SLC7A2: variants seen among roughly 807,000 people sequenced by gnomAD.
SLC7A2 encodes cationic amino acid transporter 2.
A neutral mutation model predicts 58.9 loss-of-function variants in SLC7A2; 48 were observed. The ratio of observed to expected loss-of-function variants is 0.82; its 90% CI spans 0.65 to 1.04. The LOEUF (loss-of-function observed/expected upper bound fraction) is 1.04. SLC7A2 is among the 50% of genes least tolerant of loss of function. The pLI is 0.00. For missense variants in SLC7A2, 1,029 were observed against 818.8 expected, an observed-to-expected ratio of 1.26 and a Z score of -3.13; for synonymous variants, 363 against 314.5, an observed-to-expected ratio of 1.15 and a Z score of -1.63.
At chr8:17,561,398 T>C (rs1186480754) in intron 10 of SLC7A2, among the ~76,000 whole-genome samples, 1 of 152,068 alleles carries the variant, frequency 6.6e-6, no homozygotes, top group Non-Finnish European at 1.5e-5. Flanking sequence ...AACCATCAGA[T>C]CTCGCTAGAC....
rs1033364516 is a variant in SLC7A2 at position 17,559,085 on chromosome 8, A to G, written c.1298+688A>G. Among the ~76,000 whole-genome samples the G allele has an allele frequency of 7.2e-5, 11 of 151,986 alleles. No individual in the cohort carries two copies. The East Asian group carries it at 1.7e-3, about 24-fold the overall frequency. ...GAATTTCTCCTGTATACTTTCATGT[A>G]TTTTTTCTCAGTGAGCCTATTTCTT... is the stretch of plus-strand genomic sequence containing the variant. On this transcript the variant is annotated intron_variant, in intron 9 of 12. Coordinates refer to ENST00000494857, the MANE Select transcript of SLC7A2 (RefSeq NM_001370338.1).
intron 2 of SLC7A2, among the ~76,000 whole-genome samples, chr8:17,542,611 A>T (rs1366305197): frequency 2.0e-5 from 3 of 151,520 alleles, no homozygotes; most frequent in East Asian, 3.9e-4. Flanking sequence ...TGATCACGCC[A>T]CTGTGCTGCA....
intron 2 of SLC7A2, among the ~76,000 whole-genome samples, chr8:17,512,071 C>A (rs1384331694): frequency 6.6e-6 from 1 of 152,196 alleles, no homozygotes; most frequent in Non-Finnish European, 1.5e-5. Context: ...GAGCACAGAA[C>A]TTCTCTTTGT....
At chr8:17,522,425 C>T (rs10107446) in intron 2 of SLC7A2, among the ~76,000 whole-genome samples, 1 of 151,786 alleles carries the variant, frequency 6.6e-6, no homozygotes, top group Non-Finnish European at 1.5e-5. Flanking sequence ...CTTGGCCATG[C>T]TGACTACAAG....
At chr8:17,511,049 A>G (rs369051869) in intron 2 of SLC7A2, 34 of 151,872 alleles carry the variant, frequency 2.2e-4, no homozygotes, top group African/African-American at 8.3e-4. Flanking sequence ...GAGTTGAACA[A>G]TGAGAACACT....
chr8:17,507,154 C>G (rs548734149), intron 2 of SLC7A2, among the ~76,000 whole-genome samples: 17 of 151,988 alleles, frequency 1.1e-4, no homozygotes, highest in African/African-American at 4.1e-4. Context: ...ACTATGTTGG[C>G]CAGGATGGTC....
chr8:17,566,459 C>T lies in SLC7A2; in HGVS notation c.*1313C>T, dbSNP rs1372314737. 1.3e-5 allele frequency: 2 copies of T among 152,166 alleles called. No homozygotes were observed. The highest frequency in any genetic ancestry group is 4.8e-5 in the African/African-American group (2 of 41,430). 9.4% of individuals were successfully genotyped at this position (152,166 alleles called of 1,614,324 possible). The stretch of plus-strand genomic sequence containing the variant: ...TTTAGGAATATTTTTCTCCCCCTAC[C>T]CCATAAATTGTGTAGCACTTTTTAT... On this transcript the variant is annotated 3_prime_UTR_variant, in exon 13 of 13. Coordinates refer to ENST00000494857, the MANE Select transcript of SLC7A2 (RefSeq NM_001370338.1).
intron 2 of SLC7A2, among the ~76,000 whole-genome samples, chr8:17,510,105 A>G (rs1800541306): frequency 6.6e-6 from 1 of 152,066 alleles, no homozygotes; most frequent in African/African-American, 2.4e-5. Flanking sequence ...CTGTAATCCC[A>G]GCTACTTGGG....
rs943600124 is a variant in SLC7A2 at position 17,568,961 on chromosome 8, C to CA, written c.*3823dup. On this transcript the variant is annotated 3_prime_UTR_variant, in exon 13 of 13. Coordinates refer to ENST00000494857, the MANE Select transcript of SLC7A2 (RefSeq NM_001370338.1). Reference sequence around the variant, plus strand: ...CCTGGGCAACGGTGAGACCCTGCCTCAAAAAAAATAAAAATAAAAATAAAA... The same window carrying CA: ...CCTGGGCAACGGTGAGACCCTGCCTCAAAAAAAAATAAAAATAAAAATAAAA... 20 of 150,906 alleles carry CA rather than the reference C, an allele frequency of 1.3e-4. No individual in the cohort carries two copies. Among genetic ancestry groups the CA allele is most frequent in the Admixed American group, 3.3e-4 (5 of 15,164 alleles). The allele number at this position is 150,906 out of a possible 1,614,324, so 9.3% of individuals were successfully genotyped here.
chr8:17,494,213 A>T (rs1420761386), upstream of SLC7A2, among the ~76,000 whole-genome samples: 1 of 152,126 alleles, frequency 6.6e-6, no homozygotes, highest in African/African-American at 2.4e-5. Context: ...TAAATCCCTT[A>T]TTTGTGGACA....
intron 2 of SLC7A2, among the ~76,000 whole-genome samples, chr8:17,532,229 C>CAA (rs534441508): frequency 0.021 from 964 of 46,076 alleles, 38 homozygotes; most frequent in South Asian, 0.042. Context: ...GACTCTATCT[C>CAA]AAAAAAAAAA....
At chr8:17,494,816 T>C (rs1456954186), upstream of SLC7A2, among the ~76,000 whole-genome samples, 1 of 152,234 alleles carries the variant, frequency 6.6e-6, no homozygotes, top group African/African-American at 2.4e-5. Context: ...TGTGTAAAGA[T>C]ATTCAGCAAT....
chr8:17,566,655 C>T lies in SLC7A2; in HGVS notation c.*1509C>T, dbSNP rs1323957891. On this transcript the variant is annotated 3_prime_UTR_variant, in exon 13 of 13. Coordinates refer to ENST00000494857, the MANE Select transcript of SLC7A2 (RefSeq NM_001370338.1). Reference sequence around the variant, plus strand: ...TTAAAGCTATATAAACACAGTTAACCCTTGTAAATGAGTAAACAAATTTTT... The same window carrying T: ...TTAAAGCTATATAAACACAGTTAACTCTTGTAAATGAGTAAACAAATTTTT... 6.6e-6 allele frequency: 1 copy of T among 152,038 alleles called. No individual in the cohort carries two copies. The highest frequency in any genetic ancestry group is 2.1e-4 in the South Asian group (1 of 4,820). 9.4% of individuals were successfully genotyped at this position (152,038 alleles called of 1,614,324 possible). A position where few individuals can be genotyped will look rare whatever the true frequency, so the allele number is the denominator to read the frequency against.
intron 2 of SLC7A2, among the ~76,000 whole-genome samples, chr8:17,518,503 G>A (rs1042409224): frequency 3.3e-5 from 5 of 152,124 alleles, no homozygotes; most frequent in Admixed American, 6.6e-5. Flanking sequence ...GCTCATCAGA[G>A]CACTCTCCTT....
chr8:17,543,345 T>A lies in SLC7A2; in HGVS notation c.6T>A (p.Ile2=), dbSNP rs767308384. The change falls in exon 3 of 13, where the codon ATT becomes ATA. Residue 2 remains isoleucine (I), a synonymous_variant. Coordinates refer to ENST00000494857, the MANE Select transcript of SLC7A2 (RefSeq NM_001370338.1). ...CGCCTTCGTCAGACGTCAGAATGATTCCTTGCAGAGCCGCGCTGACCTTTG... is the reference window on the plus strand; with the variant it reads ...CGCCTTCGTCAGACGTCAGAATGATACCTTGCAGAGCCGCGCTGACCTTTG... M[I]PCRAALTFAR... is the part of the protein sequence containing the mutation. 1.9e-6 allele frequency: 3 copies of A among 1,611,330 alleles called. No individual in the cohort carries two copies. In the South Asian group the frequency reaches 3.3e-5, roughly 18 times the overall value.
At chr8:17,515,364 C>G (rs1446466104) in intron 2 of SLC7A2, among the ~76,000 whole-genome samples, 1 of 150,976 alleles carries the variant, frequency 6.6e-6, no homozygotes, top group Non-Finnish European at 1.5e-5. Flanking sequence ...GTCGCAATCT[C>G]GGCTCACTGC....
rs1803221320 is a variant in SLC7A2 at position 17,565,382 on chromosome 8, G to A, written c.*236G>A. ...GATGAATAGCCCCCAAACAGTGGGA[G>A]TGTGTATGTATGTGTGTATGTATGT... is the stretch of plus-strand genomic sequence containing the variant. On this transcript the variant is annotated 3_prime_UTR_variant, in exon 13 of 13. Coordinates refer to ENST00000494857, the MANE Select transcript of SLC7A2 (RefSeq NM_001370338.1). 5 of 512,106 alleles carry A rather than the reference G, an allele frequency of 9.8e-6. No homozygotes were observed. Among genetic ancestry groups the A allele is most frequent in the Non-Finnish European group, 1.7e-5 (5 of 287,164 alleles). 31.7% of individuals were successfully genotyped at this position (512,106 alleles called of 1,614,324 possible).
chr8:17,528,272 A>G (rs1243689551), intron 2 of SLC7A2, among the ~76,000 whole-genome samples: 2 of 152,210 alleles, frequency 1.3e-5, no homozygotes, highest in African/African-American at 2.4e-5. Flanking sequence ...GAGGACTATT[A>G]TAAGCTAATT....
chr8:17,495,102 C>G (rs192789056), upstream of SLC7A2, among the ~76,000 whole-genome samples: 1 of 152,106 alleles, frequency 6.6e-6, no homozygotes, highest in Admixed American at 6.5e-5. Flanking sequence ...GAAATAATTG[C>G]TTAAGTTTAA....
Sources: gnomAD v4.1 joint callset for allele counts (sites outside exome capture counted in the v4.1 genomes callset) on GRCh38, gnomAD v4.1.1 for gene constraint, MANE v1.5 for transcripts, NCBI Gene and HGNC (gene_info 2026-07-23, HGNC 2026-07-21) for gene names.